The following DLG2 variants were observed in gnomAD, a reference collection of about 807,000 sequenced individuals.
DLG2 encodes disks large homolog 2.
A neutral mutation model predicts 132.5 loss-of-function variants in DLG2; 45 were observed. That is an observed-to-expected ratio of 0.34 (90% CI 0.27 to 0.44). DLG2 has a LOEUF of 0.44. Ranked by LOEUF, DLG2 falls within the 20% of genes least tolerant of loss-of-function variation. DLG2 has a pLI of 1.00. For missense variants in DLG2, 1,045 were observed against 1,196.9 expected (o/e 0.87, Z 1.87); for synonymous variants, 424 against 419.6 (o/e 1.01, Z -0.13).
chr11:84,052,076 G>T (rs943126158), intron 11 of DLG2, among the ~76,000 whole-genome samples: 2 of 151,826 alleles, frequency 1.3e-5, no homozygotes, highest in African/African-American at 4.8e-5. Context: ...TATACTTGGA[G>T]CTATTTCTGC....
At chr11:85,562,399 C>A (rs1356001431) in intron 3 of DLG2, among the ~76,000 whole-genome samples, 1 of 151,562 alleles carries the variant, frequency 6.6e-6, no homozygotes, top group Non-Finnish European at 1.5e-5. Flanking sequence ...ATTGACCATT[C>A]GATTTTAGCC....
intron 7 of DLG2, among the ~76,000 whole-genome samples, chr11:84,350,781 A>T (rs1039777685): frequency 6.6e-6 from 1 of 152,140 alleles, no homozygotes; most frequent in South Asian, 2.1e-4. Context: ...TTTCATACTT[A>T]TTAAAATTTG....
intron 6 of DLG2, among the ~76,000 whole-genome samples, chr11:84,699,237 T>C (rs1427329749): frequency 6.6e-6 from 1 of 151,624 alleles, no homozygotes; most frequent in African/African-American, 2.4e-5. Flanking sequence ...TCTTATTAAC[T>C]GTAAGTGCTT....
chr11:85,173,970 AG>A (rs1414466169), intron 4 of DLG2, among the ~76,000 whole-genome samples: 1 of 152,206 alleles, frequency 6.6e-6, no homozygotes, highest in Non-Finnish European at 1.5e-5. Context: ...AAATTCATGA[AG>A]AAAGTTCCTA....
chr11:83,466,844 A>T lies in DLG2; in HGVS notation c.2620-27T>A, dbSNP rs368337716. On this transcript the variant is annotated intron_variant, in intron 25 of 27. Coordinates refer to ENST00000376104, the MANE Select transcript of DLG2 (RefSeq NM_001142699.3). ...TGGTAGAAAGAGAAGAAAAATATGA[A>T]GTTAATATAGGAAGCATGGCCATAA... 5.4e-5 allele frequency: 80 copies of T among 1,482,348 alleles called. 1 individual carries two copies. Among genetic ancestry groups the T allele is most frequent in the South Asian group, 5.3e-4 (47 of 88,246 alleles). The allele number at this position is 1,482,348 out of a possible 1,614,324, so 91.8% of individuals were successfully genotyped here. A position where few individuals can be genotyped will look rare whatever the true frequency, so the allele number is the denominator to read the frequency against.
At chr11:84,246,144 G>A (rs1174171868) in intron 8 of DLG2, among the ~76,000 whole-genome samples, 1 of 152,200 alleles carries the variant, frequency 6.6e-6, no homozygotes, top group African/African-American at 2.4e-5. Flanking sequence ...CCACTTATTC[G>A]TGGTTTCACA....
intron 6 of DLG2, among the ~76,000 whole-genome samples, chr11:84,905,797 T>C (rs1246424571): frequency 6.6e-6 from 1 of 152,238 alleles, no homozygotes; most frequent in African/African-American, 2.4e-5. Context: ...ACTCCATCTC[T>C]TTCTTTTTCT....
At chr11:85,580,170 T>A (rs557551530) in intron 3 of DLG2, among the ~76,000 whole-genome samples, 1 of 152,306 alleles carries the variant, frequency 6.6e-6, no homozygotes, top group East Asian at 1.9e-4. Context: ...CTGCCATAAT[T>A]GTGAGGCCTC....
intron 6 of DLG2, among the ~76,000 whole-genome samples, chr11:84,714,649 C>CTCTCTCTCTCTT (rs2060989072): frequency 7.4e-6 from 1 of 136,006 alleles, no homozygotes; most frequent in African/African-American, 2.8e-5. Flanking sequence ...CTCTCTCTTT[C>CTCTCTCTCTCTT]TCTCTCTCTC....
chr11:85,336,447 G>C (rs1460499898), intron 3 of DLG2: 1 of 154,538 alleles, frequency 6.5e-6, no homozygotes, highest in African/African-American at 2.4e-5. Flanking sequence ...GGTGGTGGCA[G>C]TGGACAAAGA....
chr11:85,079,468 T>C (rs1332367844), intron 6 of DLG2, among the ~76,000 whole-genome samples: 2 of 149,330 alleles, frequency 1.3e-5, no homozygotes, highest in Non-Finnish European at 3.0e-5. Flanking sequence ...ATTCAGTTGG[T>C]TGGGGGAGGC....
chr11:84,424,772 A>G (rs551244798), intron 7 of DLG2, among the ~76,000 whole-genome samples: 1 of 152,226 alleles, frequency 6.6e-6, no homozygotes, highest in African/African-American at 2.4e-5. Context: ...GTGCTTCCTA[A>G]GAATGTAATC....
rs533428143 is a variant in DLG2 at position 85,416,411 on chromosome 11, T to A, written c.41-131046A>T. 2.6e-5 allele frequency among the ~76,000 whole-genome samples: 4 copies of A among 152,300 alleles called. No individual in the cohort carries two copies. In the South Asian group the frequency reaches 8.3e-4, roughly 32 times the overall value. ...GCTTTGTTCTTTTTGCTTAGAATTG[T>A]CTTGGCTATACAGACTGTTTTTTGG... is the stretch of plus-strand genomic sequence containing the variant. On this transcript the variant is annotated intron_variant, in intron 3 of 27. Coordinates refer to ENST00000376104, the MANE Select transcript of DLG2 (RefSeq NM_001142699.3).
intron 6 of DLG2, among the ~76,000 whole-genome samples, chr11:85,016,757 G>A (rs1054210353): frequency 6.6e-6 from 1 of 151,988 alleles, no homozygotes; most frequent in African/African-American, 2.4e-5. Context: ...GTTGCCTTTA[G>A]CTCCTCATTT....
At chr11:85,610,372 C>T (rs572137208) in intron 2 of DLG2, among the ~76,000 whole-genome samples, 4 of 152,050 alleles carry the variant, frequency 2.6e-5, no homozygotes, top group African/African-American at 7.2e-5. Flanking sequence ...AACCCCTATA[C>T]CCTGCTCTCT....
chr11:84,909,956 T>C (rs1259145617), intron 6 of DLG2, among the ~76,000 whole-genome samples: 2 of 152,196 alleles, frequency 1.3e-5, no homozygotes, highest in South Asian at 2.1e-4. Flanking sequence ...CCAGGGAACA[T>C]GGCTTTGTTT....
chr11:83,769,185 C>A (rs1307847693), intron 18 of DLG2, among the ~76,000 whole-genome samples: 5 of 152,090 alleles, frequency 3.3e-5, no homozygotes, highest in Non-Finnish European at 7.3e-5. Flanking sequence ...TGGTGTAGAG[C>A]AAAACCTCTC....
intron 17 of DLG2, among the ~76,000 whole-genome samples, chr11:83,787,453 C>G (rs915477463): frequency 2.6e-5 from 4 of 150,976 alleles, no homozygotes; most frequent in Non-Finnish European, 5.9e-5. Flanking sequence ...TCCCAAGTAG[C>G]TGGGATTACA....
intron 5 of DLG2, among the ~76,000 whole-genome samples, chr11:85,120,538 A>G (rs1375876873): frequency 6.6e-6 from 1 of 152,062 alleles, no homozygotes; most frequent in East Asian, 1.9e-4. Context: ...TTTATCATTA[A>G]GAATATCAAG....
Sources: allele counts gnomAD v4.1 joint callset (sites outside exome capture counted in the v4.1 genomes callset), GRCh38; gene constraint gnomAD v4.1.1; transcripts MANE v1.5; gene names NCBI Gene and HGNC (gene_info 2026-07-23, HGNC 2026-07-21).